The following SNX10 variants were observed in gnomAD, a reference collection of about 807,000 sequenced individuals.
The protein encoded by SNX10 is sorting nexin-10.
Under a neutral mutation model 28.5 loss-of-function variants are expected in SNX10, and 25 were observed. That is an observed-to-expected ratio of 0.88 (90% CI 0.64 to 1.22). SNX10 has a LOEUF of 1.22. SNX10 is among the 50% of genes most tolerant of loss of function. The pLI is 0.00. For synonymous variants in SNX10, 62 were observed against 81.4 expected, an observed-to-expected ratio of 0.76 and a Z score of 1.28; for missense variants, 223 against 242.6, an observed-to-expected ratio of 0.92 and a Z score of 0.54.
At chr7:26,301,647 A>ATCTAT (rs1352317272) in intron 1 of SNX10, among the ~76,000 whole-genome samples, 1 of 152,194 alleles carries the variant, frequency 6.6e-6, no homozygotes. Context: ...AGATGGAAAC[A>ATCTAT]TCTATTTAGT....
chr7:26,353,460 T>TTTTTGGG (rs1788689204), intron 2 of SNX10, among the ~76,000 whole-genome samples: 12 of 83,442 alleles, frequency 1.4e-4, no homozygotes, highest in Non-Finnish European at 2.0e-4. Flanking sequence ...TTTTTTTTTT[T>TTTTTGGG]GGTGGGGAGA....
Position 26,361,062 on chromosome 7 carries a change from G to A in SNX10, c.111+1G>A. 6.3e-7 allele frequency: 1 copy of A among 1,599,022 alleles called. No individual in the cohort carries two copies. The highest frequency in any genetic ancestry group is 8.6e-7 in the Non-Finnish European group (1 of 1,169,056). ...CATTGACTATGAGATATGTATTCAT[G>A]TAAGTATGTAGTCAGTAGAAATAGT... On this transcript the variant is annotated splice_donor_variant, in intron 3 of 6. Transcript: ENST00000338523. LOFTEE classifies it high-confidence loss of function.
At chr7:26,337,477 C>T (rs1787986178) in intron 1 of SNX10, among the ~76,000 whole-genome samples, 1 of 152,170 alleles carries the variant, frequency 6.6e-6, no homozygotes, top group Non-Finnish European at 1.5e-5. Context: ...TCACCCTTTC[C>T]TCTAGCCCTT....
chr7:26,325,715 C>T (rs1397436723), intron 1 of SNX10, among the ~76,000 whole-genome samples: 3 of 142,006 alleles, frequency 2.1e-5, no homozygotes, highest in Non-Finnish European at 4.5e-5. Context: ...TTGAAGTATA[C>T]GAAACAAAAT....
At chr7:26,363,758 C>G (rs1789178607) in intron 3 of SNX10, among the ~76,000 whole-genome samples, 1 of 119,168 alleles carries the variant, frequency 8.4e-6, no homozygotes, top group Non-Finnish European at 2.0e-5. Context: ...GGAAGGAAAC[C>G]AACACTTAGT....
chr7:26,339,788 C>A (rs1788111252), intron 1 of SNX10, among the ~76,000 whole-genome samples: 1 of 151,552 alleles, frequency 6.6e-6, no homozygotes, highest in Non-Finnish European at 1.5e-5. Flanking sequence ...ACCTTGTGAT[C>A]CACCTGCCTT....
Position 26,358,807 on chromosome 7 carries a change from T to TTTTTTTTG in SNX10, c.25-2161_25-2160insGTTTTTTT, listed in dbSNP as rs1554360966. Among the ~76,000 whole-genome samples the TTTTTTTTG allele has an allele frequency of 1.9e-4, 26 of 137,956 alleles. 1 individual carries two copies. The highest frequency in any genetic ancestry group is 1.8e-3 in the Admixed American group (25 of 13,892). 90.5% of individuals were successfully genotyped at this position (137,956 alleles called of 152,430 possible). On this transcript the variant is annotated intron_variant, in intron 2 of 6. Coordinates refer to ENST00000338523, the MANE Select transcript of SNX10 (RefSeq NM_013322.3). ...GCATCACTATAGTGTTATCTTGTGT[T>TTTTTTTTG]TTTTTTTTTTTTTTTTTGACCAAGT...
chr7:26,344,198 G>A (rs1227386819), intron 1 of SNX10, among the ~76,000 whole-genome samples: 2 of 76,132 alleles, frequency 2.6e-5, no homozygotes, highest in Non-Finnish European at 4.6e-5. Flanking sequence ...TTTTTTTTGA[G>A]ATGAGGTCTC....
At chr7:26,329,291 C>T (rs1787633412) in intron 1 of SNX10, among the ~76,000 whole-genome samples, 1 of 152,220 alleles carries the variant, frequency 6.6e-6, no homozygotes, top group South Asian at 2.1e-4. Flanking sequence ...GGCTTTGGCA[C>T]ACACTGCCCA....
At chr7:26,342,146 C>T (rs997499082) in intron 1 of SNX10, among the ~76,000 whole-genome samples, 2 of 152,022 alleles carry the variant, frequency 1.3e-5, no homozygotes, top group Non-Finnish European at 2.9e-5. Context: ...CCTGCCTCAG[C>T]CTCCCAAGTA....
chr7:26,364,958 T>A lies in SNX10; in HGVS notation c.213-89T>A. ...AATAACTGTGTGATAATAATCATCA[T>A]ACATAATTTGCCTTCACTTTGAGGG... is the stretch of plus-strand genomic sequence containing the variant. On this transcript the variant is annotated intron_variant, in intron 4 of 6. Transcript: ENST00000338523. The surrounding 1 kb of genome is among the most constrained non-coding windows in gnomAD (Gnocchi z 4.9). 1 of 720,140 alleles carries A rather than the reference T, an allele frequency of 1.4e-6. No homozygotes were observed. The highest frequency in any genetic ancestry group is 2.5e-6 in the Non-Finnish European group (1 of 396,984). The allele number at this position is 720,140 out of a possible 1,614,324, so 44.6% of individuals were successfully genotyped here. A position where few individuals can be genotyped will look rare whatever the true frequency, so the allele number is the denominator to read the frequency against.
intron 1 of SNX10, among the ~76,000 whole-genome samples, chr7:26,343,169 A>T: frequency 6.6e-6 from 1 of 152,200 alleles, no homozygotes; most frequent in African/African-American, 2.4e-5. Context: ...CTCCTATTAG[A>T]TAGAACTGCA....
intron 5 of SNX10, 51 bp from the exon 6 acceptor site, chr7:26,371,770 A>G (rs957188019): frequency 1.5e-6 from 2 of 1,300,930 alleles, no homozygotes; most frequent in Admixed American, 1.9e-5. Context: ...CTTCTACCCT[A>G]TCACTGACCA....
chr7:26,310,911 C>T (rs1403887198), intron 1 of SNX10, among the ~76,000 whole-genome samples: 2 of 151,994 alleles, frequency 1.3e-5, no homozygotes, highest in Admixed American at 6.6e-5. Context: ...TCTCAATCTC[C>T]GGACCTCGTG....
chr7:26,325,306 A>AAAATATATATATATATATATATAT (rs1787458474), intron 1 of SNX10, among the ~76,000 whole-genome samples: 1 of 51,334 alleles, frequency 1.9e-5, no homozygotes, highest in African/African-American at 5.1e-5. Context: ...AAGTTTGCAA[A>AAAATATATATATATATATATATAT]ATATATATAT....
chr7:26,316,191 A>AC (rs994216714), intron 1 of SNX10, among the ~76,000 whole-genome samples: 4 of 152,008 alleles, frequency 2.6e-5, no homozygotes, highest in African/African-American at 9.7e-5. Flanking sequence ...CAAAAAAAAA[A>AC]AAAAAACAAA....
intron 1 of SNX10, among the ~76,000 whole-genome samples, chr7:26,330,838 A>T (rs141252492): frequency 6.6e-6 from 1 of 152,232 alleles, no homozygotes; most frequent in East Asian, 1.9e-4. Context: ...CGGGCAACAT[A>T]GCAAGACCTT....
In SNX10 at chr7:26,327,726, C is replaced by CTTTTTTTT. The variant is rs70943293; in HGVS notation, c.-23-18680_-23-18673dup. ...ATTGTATTCATTCATGCATTCTTTT[C>CTTTTTTTT]TTTTTTTTTTTTTTTTTTTTTGAGA... On this transcript the variant is annotated intron_variant, in intron 1 of 6. Coordinates refer to ENST00000338523, the MANE Select transcript of SNX10 (RefSeq NM_013322.3). Among the ~76,000 whole-genome samples, 89 of 89,094 alleles carry CTTTTTTTT rather than the reference C, an allele frequency of 1.0e-3. 1 individual carries two copies. Among genetic ancestry groups the CTTTTTTTT allele is most frequent in the African/African-American group, 1.6e-3 (37 of 23,326 alleles). 58.4% of individuals were successfully genotyped at this position (89,094 alleles called of 152,430 possible). A position where few individuals can be genotyped will look rare whatever the true frequency, so the allele number is the denominator to read the frequency against.
chr7:26,361,353 C>A (rs919814224), intron 3 of SNX10, among the ~76,000 whole-genome samples: 1 of 152,156 alleles, frequency 6.6e-6, no homozygotes, highest in East Asian at 1.9e-4. Context: ...ACTTATAGCT[C>A]ATTAATGGCA....
Sources: gnomAD v4.1 joint callset for allele counts (sites outside exome capture counted in the v4.1 genomes callset) on GRCh38, gnomAD v4.1.1 for gene constraint, Gnocchi (gnomAD v3.1) non-coding constraint, MANE v1.5 for transcripts, NCBI Gene and HGNC (gene_info 2026-07-23, HGNC 2026-07-21) for gene names.